The following ZWILCH variants were observed in gnomAD, a reference collection of about 807,000 sequenced individuals.
The protein encoded by ZWILCH is protein zwilch homolog.
A neutral mutation model predicts 79.9 loss-of-function variants in ZWILCH; 74 were observed. That is an observed-to-expected ratio of 0.93 (90% confidence interval 0.77 to 1.12). The LOEUF is 1.12. ZWILCH is among the 50% of genes most tolerant of loss of function. The probability of loss-of-function intolerance (pLI) is 0.00; values close to 1 mark genes in which losing one functional copy is unlikely to be tolerated. For missense variants in ZWILCH, 694 were observed against 687.5 expected (o/e 1.01, Z -0.11); for synonymous variants, 241 against 228.2 (o/e 1.06, Z -0.51).
chr15:66,546,715 T>C lies in ZWILCH; in HGVS notation c.*26+10T>C. 1 of 1,469,976 alleles carries C rather than the reference T, an allele frequency of 6.8e-7. No homozygotes were observed. The highest frequency in any genetic ancestry group is 9.3e-7 in the Non-Finnish European group (1 of 1,077,278). The allele number at this position is 1,469,976 out of a possible 1,614,324, so 91.1% of individuals were successfully genotyped here. ...TGAAGTCCTCTATAAGGTATTTATG[T>C]TCACATTTTAGTCTCTTTGTCAAAT... On this transcript the variant is annotated intron_variant, in intron 18 of 18. Coordinates refer to ENST00000307897, the MANE Select transcript of ZWILCH (RefSeq NM_017975.5).
Position 66,536,137 on chromosome 15 carries a change from T to C in ZWILCH, c.1478+68T>C, listed in dbSNP as rs145786905. On this transcript the variant is annotated intron_variant, in intron 15 of 18. Transcript: ENST00000307897. The stretch of plus-strand genomic sequence containing the variant: ...TTTTGAAATAGTTACAGCCTAAATA[T>C]GTACAGTTTTTATTACCAGTTAGGA... The C allele has an allele frequency of 3.5e-5, 49 of 1,382,424 alleles. No individual in the cohort carries two copies. In the East Asian group the frequency reaches 1.1e-3, roughly 30 times the overall value. The allele number at this position is 1,382,424 out of a possible 1,614,324, so 85.6% of individuals were successfully genotyped here.
intron 11 of ZWILCH, among the ~76,000 whole-genome samples, 173 bp downstream of exon 11, chr15:66,529,130 A>G (rs1186012096): frequency 1.3e-5 from 2 of 152,246 alleles, no homozygotes; most frequent in Non-Finnish European, 2.9e-5. Context: ...TTGTACTAAG[A>G]CAAAGTAATT....
At chr15:66,546,813 A>AT (rs1895387469) in intron 18 of ZWILCH, 108 bp downstream of exon 18, 2 of 463,006 alleles carry the variant, frequency 4.3e-6, no homozygotes, top group East Asian at 7.4e-5. Context: ...AGGAATAGGG[A>AT]TTATTAGTAA....
intron 14 of ZWILCH, among the ~76,000 whole-genome samples, chr15:66,533,400 T>C (rs73474156): frequency 0.015 from 2,269 of 152,320 alleles, 59 homozygotes; most frequent in African/African-American, 0.053. Flanking sequence ...TTATAATCTT[T>C]AATGTATACT....
At chr15:66,548,294 C>A in intron 18 of ZWILCH, 57 bp from the exon 19 acceptor site, 1 of 397,730 alleles carries the variant, frequency 2.5e-6, no homozygotes, top group African/African-American at 2.0e-5. Flanking sequence ...GGTGAGATTA[C>A]AAGTGTTTTT....
At chr15:66,514,310 CTTTTT>C (rs35120770) in intron 3 of ZWILCH, 1 of 198,872 alleles carries the variant, frequency 5.0e-6, no homozygotes, top group South Asian at 7.5e-5. Context: ...TCACTTATTT[CTTTTT>C]TTTTTTTTGA....
chr15:66,512,943 G>A (rs1459140065), intron 2 of ZWILCH, among the ~76,000 whole-genome samples: 3 of 152,092 alleles, frequency 2.0e-5, no homozygotes, highest in Admixed American at 6.6e-5. Flanking sequence ...ACAGGCCCCC[G>A]CCACCATGCC....
At chr15:66,516,136 C>G (rs991017623) in intron 4 of ZWILCH, among the ~76,000 whole-genome samples, 1 of 152,228 alleles carries the variant, frequency 6.6e-6, no homozygotes, top group Non-Finnish European at 1.5e-5. Flanking sequence ...GTCACAGTGA[C>G]TGAGAGGAGC....
At chr15:66,544,366 C>G (rs1475897589) in intron 17 of ZWILCH, among the ~76,000 whole-genome samples, 1 of 152,154 alleles carries the variant, frequency 6.6e-6, no homozygotes, top group Non-Finnish European at 1.5e-5. Context: ...GGGTCTTGCT[C>G]TGTCACCCCA....
At chr15:66,513,966 T>G in intron 2 of ZWILCH, 22 bp from the exon 3 acceptor site, 7 of 1,574,142 alleles carry the variant, frequency 4.4e-6, no homozygotes, top group Non-Finnish European at 6.1e-6. Context: ...TGTATAATGT[T>G]GCTCGATACC....
intron 18 of ZWILCH, chr15:66,547,401 C>G (rs1270446939): frequency 6.6e-6 from 1 of 151,424 alleles, no homozygotes. Context: ...TTTCTACTGT[C>G]TTATTCTTTT....
Position 66,508,906 on chromosome 15 carries a change from G to T in ZWILCH, c.105+14G>T, listed in dbSNP as rs1347966882. On this transcript the variant is annotated intron_variant, in intron 2 of 18. Coordinates refer to ENST00000307897, the MANE Select transcript of ZWILCH (RefSeq NM_017975.5). ...TTTCTCTATGAGGTATGAACAATTT[G>T]GTTTTTAAACACAACTCTAATCCTA... 12 of 1,612,564 alleles carry T rather than the reference G, an allele frequency of 7.4e-6. No individual in the cohort carries two copies. The highest frequency in any genetic ancestry group is 1.0e-5 in the Non-Finnish European group (12 of 1,179,310).
At chr15:66,540,329 A>G in intron 17 of ZWILCH, 119 bp downstream of exon 17, 2 of 684,212 alleles carry the variant, frequency 2.9e-6, no homozygotes, top group Non-Finnish European at 4.8e-6. Flanking sequence ...GGGTGGGCAG[A>G]TTGTGTGAGC....
intron 2 of ZWILCH, among the ~76,000 whole-genome samples, chr15:66,509,870 TCTCTTAAAA>T (rs1429811371): frequency 2.4e-4 from 24 of 100,558 alleles, no homozygotes; most frequent in African/African-American, 8.6e-4. Context: ...TATATATATA[TCTCTTAAAA>T]ATCAATGAGG....
rs534566548 is a variant in ZWILCH, at chr15:66,524,718, A to G, written c.819+970A>G. Among the ~76,000 whole-genome samples, 79 of 152,248 alleles carry G rather than the reference A, an allele frequency of 5.2e-4. 3 individuals are homozygous for G. In the South Asian group the frequency reaches 0.014, roughly 28 times the overall value. On this transcript the variant is annotated intron_variant, in intron 8 of 18. Coordinates refer to ENST00000307897, the MANE Select transcript of ZWILCH (RefSeq NM_017975.5). ...CCTGGTTCCCTATTGTGCCCTTACC[A>G]TCTAGCATAGTACCAACTATTTTTG...
intron 4 of ZWILCH, among the ~76,000 whole-genome samples, chr15:66,517,408 T>TTGTGTGCGTGTG (rs1458908093): frequency 4.2e-3 from 183 of 43,834 alleles, no homozygotes; most frequent in Admixed American, 7.7e-3. Flanking sequence ...GATTTTGTGT[T>TTGTGTGCGTGTG]TGTGTGTGCG....
At chr15:66,512,942 C>T (rs927090493) in intron 2 of ZWILCH, among the ~76,000 whole-genome samples, 15 of 152,224 alleles carry the variant, frequency 9.9e-5, no homozygotes, top group South Asian at 4.2e-4. Context: ...TACAGGCCCC[C>T]GCCACCATGC....
At chr15:66,530,761 T>C (rs1162322725) in intron 12 of ZWILCH, among the ~76,000 whole-genome samples, 1 of 152,250 alleles carries the variant, frequency 6.6e-6, no homozygotes, top group African/African-American at 2.4e-5. Flanking sequence ...TAATAGGAAT[T>C]ATTTTAGGTA....
rs549387075 is a variant in ZWILCH, at chr15:66,522,398, A to C, written c.747+1193A>C. On this transcript the variant is annotated intron_variant, in intron 7 of 18. Transcript: ENST00000307897. ...TGCCAGGCTGGAGTGCAGTGGCGTC[A>C]TCTCGGCTTACTGCAGTCTCTGCCT... 3.0e-3 allele frequency among the ~76,000 whole-genome samples: 437 copies of C among 144,274 alleles called. 1 individual carries two copies. Among genetic ancestry groups the C allele is most frequent in the African/African-American group, 0.011 (407 of 38,250 alleles). 94.6% of individuals were successfully genotyped at this position (144,274 alleles called of 152,430 possible).
Sources: allele counts gnomAD v4.1 joint callset (sites outside exome capture counted in the v4.1 genomes callset), GRCh38; gene constraint gnomAD v4.1.1; transcripts MANE v1.5; gene names NCBI Gene and HGNC (gene_info 2026-07-23, HGNC 2026-07-21).